Variants in ZPBP observed in about 807,000 individuals in gnomAD.
ZPBP encodes zona pellucida binding protein, also known as zona pellucida-binding protein 1.
In ZPBP, 26 loss-of-function variants were observed where a neutral mutation model predicts 44.8. The ratio of observed to expected loss-of-function variants is 0.58; its 90% confidence interval spans 0.43 to 0.81. ZPBP has a LOEUF of 0.81. Among genes scored for constraint, ZPBP ranks in the 30% least tolerant of loss-of-function variants. The pLI is 0.00. For synonymous variants in ZPBP, 174 were observed against 153.2 expected, an observed-to-expected ratio of 1.14 and a Z score of -1.00; for missense variants, 409 against 434.0, an observed-to-expected ratio of 0.94 and a Z score of 0.51.
intron 5 of ZPBP, among the ~76,000 whole-genome samples, chr7:50,025,300 G>C (rs1362141777): frequency 6.6e-6 from 1 of 151,778 alleles, no homozygotes; most frequent in African/African-American, 2.4e-5. Flanking sequence ...TAAAATTTAT[G>C]TGAAAAGGCA....
rs190288218 is a variant in ZPBP at position 49,986,930 on chromosome 7, C to T, written c.784-3411G>A. Among the ~76,000 whole-genome samples the T allele has an allele frequency of 1.3e-4, 20 of 152,290 alleles. No individual in the cohort carries two copies. The East Asian group carries it at 1.7e-3, about 13-fold the overall frequency. ...TGGTAAACTGGTCAGTGGCAAACTT[C>T]GCTGCAGGCCTTCATCTTGTTTTAT... is the stretch of plus-strand genomic sequence containing the variant. On this transcript the variant is annotated intron_variant, in intron 6 of 7. Coordinates refer to ENST00000046087, the MANE Select transcript of ZPBP (RefSeq NM_007009.3).
chr7:49,938,043 A>C (rs1443954998), intron 7 of ZPBP, among the ~76,000 whole-genome samples: 4 of 152,144 alleles, frequency 2.6e-5, no homozygotes, highest in African/African-American at 9.7e-5. Context: ...CATAATGCTC[A>C]CTTGCCCGCC....
chr7:50,062,063 T>A (rs4917109), intron 3 of ZPBP, among the ~76,000 whole-genome samples: 118,689 of 152,100 alleles, frequency 0.78, 46,357 homozygotes, highest in East Asian at 0.88. Context: ...AAGAACACAA[T>A]CCCATTCACA....
At chr7:50,054,037 C>T (rs1399473823) in intron 4 of ZPBP, among the ~76,000 whole-genome samples, 1 of 152,040 alleles carries the variant, frequency 6.6e-6, no homozygotes, top group East Asian at 1.9e-4. Context: ...TACAGGCATG[C>T]ACCACCACGC....
chr7:49,870,602 C>T (rs1791108950), intron 2 of ZPBP, among the ~76,000 whole-genome samples: 1 of 152,132 alleles, frequency 6.6e-6, no homozygotes, highest in African/African-American at 2.4e-5. Context: ...GTAGGATTTT[C>T]ACACCTGCAC....
chr7:49,965,972 A>C (rs1310468221), intron 7 of ZPBP, among the ~76,000 whole-genome samples: 1 of 152,142 alleles, frequency 6.6e-6, no homozygotes, highest in African/African-American at 2.4e-5. Flanking sequence ...CTGCAGTGAC[A>C]ATATTAAGAT....
At chr7:50,077,880 C>T (rs1202887416) in intron 3 of ZPBP, among the ~76,000 whole-genome samples, 1 of 151,954 alleles carries the variant, frequency 6.6e-6, no homozygotes, top group Non-Finnish European at 1.5e-5. Context: ...ATCCAGCAAT[C>T]TCCCTTCTTG....
intron 5 of ZPBP, among the ~76,000 whole-genome samples, chr7:50,030,470 A>G (rs1799553854): frequency 6.6e-6 from 1 of 151,214 alleles, no homozygotes; most frequent in Non-Finnish European, 1.5e-5. Flanking sequence ...ATTAAATACA[A>G]TCAAACTCTG....
At chr7:49,882,024 C>A (rs193088617) in intron 2 of ZPBP, among the ~76,000 whole-genome samples, 4 of 151,912 alleles carry the variant, frequency 2.6e-5, no homozygotes, top group African/African-American at 9.6e-5. Context: ...TAGAGAAGCA[C>A]CCAAGCGCCA....
intron 7 of ZPBP, among the ~76,000 whole-genome samples, chr7:49,959,877 A>G (rs1795779882): frequency 6.6e-6 from 1 of 152,232 alleles, no homozygotes; most frequent in African/African-American, 2.4e-5. Context: ...ATACTTCAGT[A>G]TTGTTCAAAT....
At chr7:50,035,031 C>A (rs1285518720) in intron 4 of ZPBP, among the ~76,000 whole-genome samples, 1 of 152,216 alleles carries the variant, frequency 6.6e-6, no homozygotes, top group East Asian at 1.9e-4. Context: ...CTGGAGACAA[C>A]ACTTGCTAAT....
chr7:50,005,092 A>G (rs902783861), intron 6 of ZPBP, among the ~76,000 whole-genome samples: 14 of 151,888 alleles, frequency 9.2e-5, no homozygotes, highest in African/African-American at 3.4e-4. Flanking sequence ...TTTCTTAGTG[A>G]AACCATGGAG....
At chr7:50,077,594 T>C (rs1190947014) in intron 3 of ZPBP, among the ~76,000 whole-genome samples, 2 of 151,778 alleles carry the variant, frequency 1.3e-5, no homozygotes, top group Admixed American at 6.6e-5. Context: ...AAGATGTGAA[T>C]AGACATTTCT....
intron 1 of ZPBP, among the ~76,000 whole-genome samples, chr7:50,090,039 A>G (rs1802871644): frequency 6.6e-6 from 1 of 152,172 alleles, no homozygotes; most frequent in Non-Finnish European, 1.5e-5. Context: ...AGCACTTCTT[A>G]TCTGCCACAG....
intron 1 of ZPBP, among the ~76,000 whole-genome samples, chr7:49,931,599 A>G (rs2886462): frequency 0.75 from 113,930 of 152,108 alleles, 42,906 homozygotes; most frequent in East Asian, 0.89. Context: ...AGTGTTCAAG[A>G]AGAAGCAGAT....
intron 2 of ZPBP, among the ~76,000 whole-genome samples, chr7:50,089,222 C>T (rs1468885668): frequency 6.6e-6 from 1 of 152,000 alleles, no homozygotes; most frequent in Admixed American, 6.6e-5. Flanking sequence ...AATTTTATGG[C>T]ATGTGAATTT....
chr7:50,014,362 T>C (rs1292687428), intron 6 of ZPBP, among the ~76,000 whole-genome samples: 1 of 151,810 alleles, frequency 6.6e-6, no homozygotes, highest in Non-Finnish European at 1.5e-5. Context: ...ATGAAGAAAG[T>C]ATGGCACTAG....
chr7:49,863,176 G>A (rs187394204), intron 2 of ZPBP, among the ~76,000 whole-genome samples: 29 of 152,182 alleles, frequency 1.9e-4, no homozygotes, highest in African/African-American at 7.0e-4. Flanking sequence ...TTTCTTCTTT[G>A]TGAGTCAGCT....
downstream of ZPBP, among the ~76,000 whole-genome samples, chr7:49,847,041 A>C (rs1228146150): frequency 6.6e-6 from 1 of 152,162 alleles, no homozygotes; most frequent in Non-Finnish European, 1.5e-5. Flanking sequence ...GTCTGTGTCA[A>C]ATTGGGATGT....
Sources: gnomAD v4.1 joint callset for allele counts (sites outside exome capture counted in the v4.1 genomes callset) on GRCh38, gnomAD v4.1.1 for gene constraint, MANE v1.5 for transcripts, NCBI Gene and HGNC (gene_info 2026-07-23, HGNC 2026-07-21) for gene names.